The following TK2 variants were observed in gnomAD, a reference collection of about 807,000 sequenced individuals.
The protein encoded by TK2 is thymidine kinase 2, also known as thymidine kinase 2, mitochondrial.
In TK2, 35 loss-of-function variants were observed where a neutral mutation model predicts 41.9. The observed-to-expected ratio is 0.84, with a 90% CI of 0.64 to 1.11. The LOEUF is 1.11. TK2 is among the 50% of genes least tolerant of loss of function. The pLI is 0.00. For missense variants in TK2, 320 were observed against 351.1 expected, an observed-to-expected ratio of 0.91 and a Z score of 0.71; for synonymous variants, 128 against 129.1, an observed-to-expected ratio of 0.99 and a Z score of 0.06.
At chr16:66,523,803 A>G (rs1286000666) in intron 6 of TK2, among the ~76,000 whole-genome samples, 1 of 152,186 alleles carries the variant, frequency 6.6e-6, no homozygotes, top group Middle Eastern at 3.2e-3. Flanking sequence ...ATCCAGCCTG[A>G]GCAACAGAGC....
intron 6 of TK2, among the ~76,000 whole-genome samples, chr16:66,520,736 T>C (rs1188103656): frequency 2.0e-5 from 3 of 152,198 alleles, no homozygotes; most frequent in Admixed American, 6.5e-5. Flanking sequence ...ATAAGCCATC[T>C]GTTGGGAGTT....
Position 66,550,117 on chromosome 16 carries a change from A to G in TK2, c.-56T>C. On this transcript the variant is annotated 5_prime_UTR_variant, in exon 1 of 10. Coordinates refer to ENST00000544898, the MANE Select transcript of TK2 (RefSeq NM_004614.5). Reference sequence around the variant, plus strand: ...TTCCTTCTTGTGCGAGTCGGCGCGGACGACTGCTAGTCCAGCCGTTGGGCG... The same window carrying G: ...TTCCTTCTTGTGCGAGTCGGCGCGGGCGACTGCTAGTCCAGCCGTTGGGCG... 1 of 1,611,046 alleles carries G rather than the reference A, an allele frequency of 6.2e-7. No individual in the cohort carries two copies.
intron 2 of TK2, chr16:66,548,172 C>G (rs1750273386): frequency 2.6e-6 from 1 of 382,820 alleles, no homozygotes; most frequent in African/African-American, 2.1e-5. Flanking sequence ...CTAATTTCAA[C>G]AAACTTCCAC....
intron 2 of TK2, among the ~76,000 whole-genome samples, chr16:66,548,417 G>T (rs1369702448): frequency 6.6e-6 from 1 of 152,102 alleles, no homozygotes; most frequent in East Asian, 1.9e-4. Context: ...CCCTACCCCA[G>T]CCAGCTAAAG....
rs1338384281 is a variant in TK2, at chr16:66,510,819, G to C, written c.*1149C>G. The C allele has an allele frequency of 6.6e-6, 1 of 152,054 alleles. No individual in the cohort carries two copies. Among genetic ancestry groups the C allele is most frequent in the Non-Finnish European group, 1.5e-5 (1 of 68,030 alleles). The allele number at this position is 152,054 out of a possible 1,614,324, so 9.4% of individuals were successfully genotyped here. On this transcript the variant is annotated 3_prime_UTR_variant, in exon 10 of 10. Transcript: ENST00000544898. Reference sequence around the variant, plus strand: ...AAAGGGAACGTTCTTTCTTTCTCTTGTTTTCTGCTTGATCCAAGGGGCAGC... The same window carrying C: ...AAAGGGAACGTTCTTTCTTTCTCTTCTTTTCTGCTTGATCCAAGGGGCAGC...
At position 66,536,957 on chromosome 16, in the gene TK2, C is replaced by T. The variant is rs1965303839; in HGVS notation, c.285+7G>A. The stretch of plus-strand genomic sequence containing the variant: ...CCGGGGGTTCATGCAACCAACAACC[C>T]ACTCACCAGAGGATTGTGGCCACGG... On this transcript the variant is annotated splice_region_variant and intron_variant, in intron 4 of 9. Transcript: ENST00000544898. 6.2e-7 allele frequency: 1 copy of T among 1,613,954 alleles called. No individual in the cohort carries two copies. The highest frequency in any genetic ancestry group is 1.7e-5 in the Admixed American group (1 of 59,980).
chr16:66,513,912 C>A (rs962569229), intron 8 of TK2, 101 bp from the exon 9 acceptor site: 1 of 1,007,018 alleles, frequency 9.9e-7, no homozygotes, highest in Non-Finnish European at 1.5e-6. Flanking sequence ...TGACCATGGG[C>A]AGTGACTCAG....
intron 4 of TK2, 26 bp downstream of exon 4, chr16:66,536,938 G>T: frequency 6.2e-7 from 1 of 1,613,986 alleles, no homozygotes; most frequent in Non-Finnish European, 8.5e-7. Context: ...GAAGCCGGGG[G>T]TTCATGCAAC....
intron 2 of TK2, among the ~76,000 whole-genome samples, chr16:66,545,252 C>T: frequency 6.6e-6 from 1 of 152,120 alleles, no homozygotes; most frequent in Non-Finnish European, 1.5e-5. Context: ...ATAAAAATCA[C>T]TCGTAAATCT....
intron 3 of TK2, 109 bp from the exon 4 acceptor site, chr16:66,537,126 A>G: frequency 6.6e-7 from 1 of 1,509,536 alleles, no homozygotes; most frequent in Non-Finnish European, 9.1e-7. Flanking sequence ...AGAGAAAAAG[A>G]CTATCCAAAT....
In TK2 at chr16:66,509,063, G is replaced by T. The variant is rs1041385842; in HGVS notation, c.*2905C>A. On this transcript the variant is annotated 3_prime_UTR_variant, in exon 10 of 10. Coordinates refer to ENST00000544898, the MANE Select transcript of TK2 (RefSeq NM_004614.5). The stretch of plus-strand genomic sequence containing the variant: ...CCAGGTCATGTGACCCGGTCTATGG[G>T]TGGGCACTGCCCTCTTGCCTTTCCC... 1 of 152,456 alleles carries T rather than the reference G, an allele frequency of 6.6e-6. No homozygotes were observed. Among genetic ancestry groups the T allele is most frequent in the Admixed American group, 6.5e-5 (1 of 15,284 alleles). The allele number at this position is 152,456 out of a possible 1,614,324, so 9.4% of individuals were successfully genotyped here.
At chr16:66,545,501 C>T (rs941850948) in intron 2 of TK2, among the ~76,000 whole-genome samples, 22 of 152,170 alleles carry the variant, frequency 1.4e-4, no homozygotes, top group Non-Finnish European at 2.6e-4. Flanking sequence ...CATACTAATA[C>T]GTGCTACAAG....
At chr16:66,550,198 C>T (rs373311984), upstream of TK2, 244 of 1,611,970 alleles carry the variant, frequency 1.5e-4, 1 homozygote, top group African/African-American at 3.0e-3. Flanking sequence ...TTCATCTCAG[C>T]AAGAGGAGAA....
At chr16:66,533,729 C>T (rs1004175462) in intron 4 of TK2, among the ~76,000 whole-genome samples, 3 of 151,966 alleles carry the variant, frequency 2.0e-5, no homozygotes, top group Admixed American at 6.6e-5. Context: ...CTGGATCGGC[C>T]GGGCATGGTG....
intron 8 of TK2, 163 bp from the exon 9 acceptor site, chr16:66,513,974 C>G (rs773199630): frequency 4.3e-6 from 3 of 699,134 alleles, no homozygotes; most frequent in Non-Finnish European, 7.8e-6. Context: ...GCGGCAGACG[C>G]AGCCACACAC....
At chr16:66,521,853 C>T (rs1166296947) in intron 6 of TK2, among the ~76,000 whole-genome samples, 1 of 152,184 alleles carries the variant, frequency 6.6e-6, no homozygotes, top group Non-Finnish European at 1.5e-5. Flanking sequence ...TGCCCTGACC[C>T]CAAGGGGGCA....
chr16:66,526,814 TAA>T (rs1428272658), intron 6 of TK2, among the ~76,000 whole-genome samples: 2 of 152,140 alleles, frequency 1.3e-5, no homozygotes, highest in African/African-American at 4.8e-5. Flanking sequence ...TGAATGTGAT[TAA>T]AAGACAGACA....
intron 1 of TK2, chr16:66,549,597 C>T (rs904321271): frequency 1.8e-6 from 2 of 1,120,904 alleles, no homozygotes; most frequent in African/African-American, 3.3e-5. Context: ...GCAGAATCGG[C>T]TTAAGGCAGC....
chr16:66,549,274 T>C (rs1417422860), intron 1 of TK2: 7 of 1,291,108 alleles, frequency 5.4e-6, no homozygotes, highest in Non-Finnish European at 6.9e-6. Flanking sequence ...TTCCACGTTA[T>C]TTATTTAGAT....
Sources: gnomAD v4.1 joint callset for allele counts (sites outside exome capture counted in the v4.1 genomes callset) on GRCh38, gnomAD v4.1.1 for gene constraint, MANE v1.5 for transcripts, NCBI Gene and HGNC (gene_info 2026-07-23, HGNC 2026-07-21) for gene names.